Variants in EMCN observed in about 807,000 individuals in gnomAD.
EMCN encodes endomucin.
In EMCN, 37 loss-of-function variants were observed where a neutral mutation model predicts 38.4. The observed-to-expected ratio is 0.96, with a 90% confidence interval of 0.74 to 1.27. The LOEUF (loss-of-function observed/expected upper bound fraction) is 1.27. Among genes scored for constraint, EMCN ranks in the 50% most tolerant of loss-of-function variants. The pLI is 0.00. For missense variants in EMCN, 318 were observed against 302.8 expected, an observed-to-expected ratio of 1.05 and a Z score of -0.37; for synonymous variants, 95 against 100.8, an observed-to-expected ratio of 0.94 and a Z score of 0.35.
At chr4:100,485,225 T>G (rs188128351) in intron 1 of EMCN, among the ~76,000 whole-genome samples, 2 of 152,304 alleles carry the variant, frequency 1.3e-5, no homozygotes, top group East Asian at 3.9e-4. Context: ...ATGTCTTATT[T>G]CTACAAATTT....
At chr4:100,415,535 T>C (rs1168028275) in intron 10 of EMCN, among the ~76,000 whole-genome samples, 1 of 152,194 alleles carries the variant, frequency 6.6e-6, no homozygotes, top group African/African-American at 2.4e-5. Flanking sequence ...TTTTTGCCTT[T>C]TTGACCATAT....
At chr4:100,470,449 A>C (rs1253110173) in intron 3 of EMCN, among the ~76,000 whole-genome samples, 1 of 151,748 alleles carries the variant, frequency 6.6e-6, no homozygotes, top group East Asian at 1.9e-4. Context: ...TGGGAGTGTA[A>C]ATTAGTTCAA....
intron 4 of EMCN, among the ~76,000 whole-genome samples, chr4:100,461,837 T>G (rs1728186629): frequency 6.6e-6 from 1 of 152,240 alleles, no homozygotes; most frequent in East Asian, 1.9e-4. Context: ...AAGGAACCAT[T>G]GCCCAGATGT....
chr4:100,439,946 CTTA>C (rs775396104), intron 5 of EMCN, among the ~76,000 whole-genome samples: 3 of 151,852 alleles, frequency 2.0e-5, no homozygotes, highest in African/African-American at 4.8e-5. Flanking sequence ...CAAGATTCCT[CTTA>C]TTATTGATTT....
At chr4:100,403,935 C>G (rs1041054207) in intron 11 of EMCN, among the ~76,000 whole-genome samples, 2 of 151,700 alleles carry the variant, frequency 1.3e-5, no homozygotes, top group African/African-American at 4.8e-5. Context: ...TTTACTCTTT[C>G]ATTTGTTTAA....
At chr4:100,444,145 G>T in intron 5 of EMCN, among the ~76,000 whole-genome samples, 1 of 152,190 alleles carries the variant, frequency 6.6e-6, no homozygotes, top group African/African-American at 2.4e-5. Context: ...GACTGCAGGG[G>T]TGTAGTGCAA....
intron 5 of EMCN, among the ~76,000 whole-genome samples, chr4:100,445,354 A>G (rs940003613): frequency 5.9e-5 from 9 of 152,160 alleles, no homozygotes; most frequent in Admixed American, 5.2e-4. Flanking sequence ...TAATCTCCCA[A>G]AAAGGTTCTA....
At chr4:100,404,018 G>A (rs1726327167) in intron 11 of EMCN, among the ~76,000 whole-genome samples, 1 of 152,024 alleles carries the variant, frequency 6.6e-6, no homozygotes, top group South Asian at 2.1e-4. Flanking sequence ...CATTTTGTAA[G>A]TCGTCTGTTT....
Position 100,395,941 on chromosome 4 carries a change from C to T in EMCN, c.*2472G>A, listed in dbSNP as rs1475048230. On this transcript the variant is annotated 3_prime_UTR_variant, in exon 12 of 12. Transcript: ENST00000296420. ...TATTCATATTATTATGCAAAACAAACACATAGAAAGTCTTGCCTTTGATCT... is the reference window on the plus strand; with the variant it reads ...TATTCATATTATTATGCAAAACAAATACATAGAAAGTCTTGCCTTTGATCT... 2 of 152,134 alleles carry T rather than the reference C, an allele frequency of 1.3e-5. No individual in the cohort carries two copies. The highest frequency in any genetic ancestry group is 1.3e-4 in the Admixed American group (2 of 15,262). 9.4% of individuals were successfully genotyped at this position (152,134 alleles called of 1,614,324 possible).
intron 5 of EMCN, among the ~76,000 whole-genome samples, chr4:100,435,083 T>G (rs1411837053): frequency 6.6e-6 from 1 of 152,186 alleles, no homozygotes; most frequent in African/African-American, 2.4e-5. Flanking sequence ...GGAAGTCATA[T>G]TATCTTTGTT....
At position 100,402,116 on chromosome 4, in the gene EMCN, G is replaced by A. The variant is rs79133815; in HGVS notation, c.*40-3743C>T. On this transcript the variant is annotated intron_variant, in intron 11 of 11. Transcript: ENST00000296420. ...CATTAAACATTTAAGCTGCTTCTAC[G>A]TATTTGCTACCCCTCTTGTATATGA... 3.7e-3 allele frequency among the ~76,000 whole-genome samples: 556 copies of A among 151,928 alleles called. 7 individuals are homozygous for A. Among genetic ancestry groups the A allele is most frequent in the African/African-American group, 0.013 (525 of 41,432 alleles).
chr4:100,457,361 G>A (rs953890933), intron 4 of EMCN, among the ~76,000 whole-genome samples: 10 of 152,184 alleles, frequency 6.6e-5, no homozygotes, highest in African/African-American at 2.4e-4. Context: ...CAATAGAAGT[G>A]ATGAGAGTGG....
At chr4:100,421,418 G>T (rs756853149) in intron 7 of EMCN, 41 bp from the exon 8 acceptor site, 1 of 1,491,638 alleles carries the variant, frequency 6.7e-7, no homozygotes, top group Non-Finnish European at 9.3e-7. Flanking sequence ...AGTGGCTACT[G>T]AATTTCACAG....
chr4:100,504,729 C>T (rs781645472), intron 1 of EMCN, among the ~76,000 whole-genome samples: 6 of 152,192 alleles, frequency 3.9e-5, no homozygotes, highest in Non-Finnish European at 5.9e-5. Context: ...CACGGTCTAG[C>T]GGTAGAGTCA....
chr4:100,506,573 C>CAA (rs950753069), intron 1 of EMCN, among the ~76,000 whole-genome samples: 1 of 145,180 alleles, frequency 6.9e-6, no homozygotes, highest in Admixed American at 6.9e-5. Context: ...TCCAATTTGT[C>CAA]AAAAAAAAAA....
rs1263959528 is a variant in EMCN, at chr4:100,453,332, A to C, written c.377-5761T>G. Reference sequence around the variant, plus strand: ...ACTCAAACAAATTTACAAGAAAAAAACAAACAACCCCATCAAAAAGTGGGC... The same window carrying C: ...ACTCAAACAAATTTACAAGAAAAAACCAAACAACCCCATCAAAAAGTGGGC... On this transcript the variant is annotated intron_variant, in intron 4 of 11. Transcript: ENST00000296420. Among the ~76,000 whole-genome samples the C allele has an allele frequency of 1.2e-3, 184 of 152,200 alleles. 1 individual carries two copies. The highest frequency in any genetic ancestry group is 1.9e-3 in the Non-Finnish European group (127 of 67,972).
intron 3 of EMCN, among the ~76,000 whole-genome samples, chr4:100,474,513 A>C (rs76720350): frequency 0.011 from 1,707 of 152,320 alleles, 38 homozygotes; most frequent in East Asian, 0.093. Flanking sequence ...ACTTAAGAGA[A>C]ATGAAAAACG....
intron 1 of EMCN, among the ~76,000 whole-genome samples, chr4:100,507,901 A>G (rs76570494): frequency 1.3e-3 from 199 of 152,306 alleles, no homozygotes; most frequent in African/African-American, 4.7e-3. Flanking sequence ...ACTATGAGAA[A>G]TAACTCTCAT....
At chr4:100,507,974 T>G (rs539879052) in intron 1 of EMCN, among the ~76,000 whole-genome samples, 1 of 152,244 alleles carries the variant, frequency 6.6e-6, no homozygotes, top group South Asian at 2.1e-4. Context: ...CTGAAAAATC[T>G]CTAAAGGAAG....
Sources: allele counts gnomAD v4.1 joint callset (sites outside exome capture counted in the v4.1 genomes callset), GRCh38; gene constraint gnomAD v4.1.1; transcripts MANE v1.5; gene names NCBI Gene and HGNC (gene_info 2026-07-23, HGNC 2026-07-21).